Variants in RAVER2 observed in about 807,000 individuals in gnomAD.
RAVER2 encodes the protein ribonucleoprotein PTB-binding 2.
RAVER2 carries 46 observed loss-of-function variants against 78.1 expected under a neutral mutation model. That is an observed-to-expected ratio of 0.59 (90% CI 0.46 to 0.75). RAVER2 has a LOEUF of 0.75. RAVER2 is among the 30% of genes least tolerant of loss of function. The probability of loss-of-function intolerance (pLI) is 0.00; values close to 1 mark genes in which losing one functional copy is unlikely to be tolerated. For missense variants in RAVER2, 793 were observed against 837.5 expected, an observed-to-expected ratio of 0.95 and a Z score of 0.66; for synonymous variants, 311 against 313.3, an observed-to-expected ratio of 0.99 and a Z score of 0.08.
At chr1:64,788,848 CGTTTT>C (rs1652859412) in intron 4 of RAVER2, among the ~76,000 whole-genome samples, 1 of 151,380 alleles carries the variant, frequency 6.6e-6, no homozygotes, top group Non-Finnish European at 1.5e-5. Context: ...TGTTAAACTT[CGTTTT>C]ATTTTATTTT....
chr1:64,800,116 G>GT (rs1371585711), intron 5 of RAVER2, among the ~76,000 whole-genome samples: 4 of 143,564 alleles, frequency 2.8e-5, no homozygotes, highest in Non-Finnish European at 4.5e-5. Flanking sequence ...TATTTGGGGT[G>GT]TTTTTTTGTT....
chr1:64,813,828 G>GACACAC (rs10566575), intron 10 of RAVER2, among the ~76,000 whole-genome samples: 27 of 146,008 alleles, frequency 1.8e-4, no homozygotes, highest in South Asian at 6.8e-4. Flanking sequence ...TTAGAGACTA[G>GACACAC]ACACACACAC....
chr1:64,761,853 T>C (rs1038141295), intron 1 of RAVER2, among the ~76,000 whole-genome samples: 2 of 152,044 alleles, frequency 1.3e-5, no homozygotes, highest in Admixed American at 1.3e-4. Context: ...TTTACGCCTG[T>C]AATCCCCGGA....
chr1:64,771,860 A>G (rs906266640), intron 2 of RAVER2, among the ~76,000 whole-genome samples: 1 of 135,274 alleles, frequency 7.4e-6, no homozygotes, highest in Admixed American at 7.4e-5. Context: ...AACAGATATA[A>G]TTAATAACTC....
At chr1:64,763,132 ACT>A (rs1293152055) in intron 1 of RAVER2, among the ~76,000 whole-genome samples, 2 of 151,898 alleles carry the variant, frequency 1.3e-5, no homozygotes, top group African/African-American at 4.8e-5. Context: ...ACACGGTGAA[ACT>A]CCGTCTCTAC....
intron 5 of RAVER2, among the ~76,000 whole-genome samples, chr1:64,801,074 TTA>T (rs138698939): frequency 2.7e-4 from 40 of 148,348 alleles, no homozygotes; most frequent in African/African-American, 9.6e-4. Flanking sequence ...TTTGTATATT[TTA>T]TATATATATA....
chr1:64,747,612 A>G (rs1017217755), intron 1 of RAVER2, among the ~76,000 whole-genome samples: 12 of 151,860 alleles, frequency 7.9e-5, no homozygotes, highest in African/African-American at 2.2e-4. Context: ...CCCAGGTCCA[A>G]GTGATTCTCC....
At chr1:64,772,113 A>C (rs745517427) in intron 2 of RAVER2, among the ~76,000 whole-genome samples, 1 of 152,134 alleles carries the variant, frequency 6.6e-6, no homozygotes, top group Non-Finnish European at 1.5e-5. Context: ...TTAATCCCAA[A>C]TTCCCTTACA....
At chr1:64,790,947 C>G (rs1198353872) in intron 5 of RAVER2, among the ~76,000 whole-genome samples, 1 of 152,208 alleles carries the variant, frequency 6.6e-6, no homozygotes, top group Non-Finnish European at 1.5e-5. Context: ...GACCTAGACA[C>G]AAGTTCGGGG....
chr1:64,801,858 ACT>A (rs919346267), intron 5 of RAVER2, among the ~76,000 whole-genome samples: 1 of 151,888 alleles, frequency 6.6e-6, no homozygotes, highest in Non-Finnish European at 1.5e-5. Flanking sequence ...ATAGAGTGTG[ACT>A]CTGTCTCAAA....
intron 11 of RAVER2, among the ~76,000 whole-genome samples, chr1:64,819,798 G>A (rs1331731770): frequency 1.3e-5 from 2 of 152,090 alleles, no homozygotes; most frequent in African/African-American, 4.8e-5. Flanking sequence ...TACTATTAAC[G>A]TTTGGGGCTG....
At chr1:64,771,935 G>T (rs1265289996) in intron 2 of RAVER2, among the ~76,000 whole-genome samples, 4 of 151,978 alleles carry the variant, frequency 2.6e-5, no homozygotes, top group Admixed American at 2.6e-4. Flanking sequence ...GTAGATATGA[G>T]GAAATTATTA....
intron 1 of RAVER2, among the ~76,000 whole-genome samples, chr1:64,755,724 GTTTTTTTTTTTTTTTT>G (rs753375050): frequency 1.2e-4 from 7 of 60,660 alleles, no homozygotes; most frequent in African/African-American, 4.3e-4. Context: ...ATGCTTCATA[GTTTTTTTTTTTTTTTT>G]TTTTTTTTTT....
At chr1:64,812,555 C>G (rs780356929) in intron 9 of RAVER2, among the ~76,000 whole-genome samples, 183 bp from the exon 10 acceptor site, 1 of 151,984 alleles carries the variant, frequency 6.6e-6, no homozygotes, top group Non-Finnish European at 1.5e-5. Context: ...TATGGCTCTA[C>G]AATAGTTTTT....
chr1:64,807,324 A>G (rs1390336053), exon 9 of RAVER2: 1 of 1,614,110 alleles, frequency 6.2e-7, no homozygotes, highest in Non-Finnish European at 8.5e-7. Flanking sequence ...CTCAGGAGAA[A>G]CAGCCAGCCA....
chr1:64,828,760 G>A (rs560378105), intron 11 of RAVER2, among the ~76,000 whole-genome samples: 1 of 151,378 alleles, frequency 6.6e-6, no homozygotes, highest in South Asian at 2.1e-4. Flanking sequence ...ACATTATTTT[G>A]CAACAGATCT....
intron 11 of RAVER2, among the ~76,000 whole-genome samples, chr1:64,830,494 T>C (rs115686054): frequency 6.6e-6 from 1 of 152,342 alleles, no homozygotes; most frequent in African/African-American, 2.4e-5. Context: ...TTCAGAGGAA[T>C]ACTGACATTC....
At position 64,760,302 on chromosome 1, in the gene RAVER2, G is replaced by A. The variant is rs562757351; in HGVS notation, c.250-8354G>A. On this transcript the variant is annotated intron_variant, in intron 1 of 11. Transcript: ENST00000294428. ...TCACGTTAGAAAGAGAGCAGTCTGT[G>A]CCTTTCTTTCCAAACCCTTCTCCCA... Among the ~76,000 whole-genome samples the A allele has an allele frequency of 5.1e-4, 77 of 152,284 alleles. 1 individual carries two copies. The highest frequency in any genetic ancestry group is 8.5e-4 in the Non-Finnish European group (58 of 68,028).
chr1:64,765,638 G>A (rs1020336060), intron 1 of RAVER2, among the ~76,000 whole-genome samples: 2 of 152,208 alleles, frequency 1.3e-5, no homozygotes, highest in African/African-American at 4.8e-5. Context: ...GAATGGGATA[G>A]TGAAGGAATG....
Sources: gnomAD v4.1 joint callset for allele counts (sites outside exome capture counted in the v4.1 genomes callset) on GRCh38, gnomAD v4.1.1 for gene constraint, MANE v1.5 for transcripts, NCBI Gene and HGNC (gene_info 2026-07-23, HGNC 2026-07-21) for gene names.